The following DMD variants were observed in gnomAD, a reference collection of about 807,000 sequenced individuals.
The protein encoded by DMD is dystrophin.
Under a neutral mutation model 330.1 loss-of-function variants are expected in DMD, and 63 were observed. The ratio of observed to expected loss-of-function variants is 0.19; its 90% CI spans 0.16 to 0.24. DMD has a LOEUF of 0.24. DMD is among the 10% of genes least tolerant of loss of function. The pLI is 1.00. For missense variants in DMD, 3,344 were observed against 2,684.1 expected (o/e 1.25, Z -5.43); for synonymous variants, 1,223 against 959.8 (o/e 1.27, Z -5.07).
chrX:32,343,856 T>C (rs2097755623), intron 39 of DMD, among the ~76,000 whole-genome samples: 1 of 112,055 alleles, frequency 8.9e-6, no homozygotes, highest in Non-Finnish European at 1.9e-5. Context: ...AAGCTGTATG[T>C]GTAGAAGTGT....
chrX:31,535,632 A>T (rs2073332250), intron 55 of DMD, among the ~76,000 whole-genome samples: 1 of 111,149 alleles, frequency 9.0e-6, no homozygotes, highest in Admixed American at 9.6e-5. Flanking sequence ...GCCAAAATTG[A>T]CAAATGGTTT....
intron 2 of DMD, among the ~76,000 whole-genome samples, chrX:32,998,482 G>A (rs1273304678): frequency 9.2e-6 from 1 of 108,840 alleles, no homozygotes; most frequent in African/African-American, 3.3e-5. Context: ...TTTACCTGAT[G>A]AACAACTAAT....
intron 2 of DMD, among the ~76,000 whole-genome samples, chrX:32,990,647 T>C (rs1160916226): frequency 1.8e-5 from 2 of 111,839 alleles, no homozygotes; most frequent in African/African-American, 6.5e-5. Context: ...AAATGGTTCA[T>C]AACTACAACC....
chrX:32,113,470 T>C (rs181066327), intron 44 of DMD, among the ~76,000 whole-genome samples: 136 of 112,048 alleles, frequency 1.2e-3, no homozygotes, highest in Admixed American at 6.2e-3. Flanking sequence ...CACATCTTAG[T>C]TGCAATAAAA....
chrX:31,605,787 T>C (rs1453761863), intron 55 of DMD, among the ~76,000 whole-genome samples: 2 of 112,038 alleles, frequency 1.8e-5, no homozygotes, highest in Non-Finnish European at 3.8e-5. Flanking sequence ...ACCACCATAA[T>C]TGAGAAAGAA....
chrX:31,428,482 C>G (rs2063834506), intron 60 of DMD, among the ~76,000 whole-genome samples: 1 of 111,982 alleles, frequency 8.9e-6, no homozygotes, highest in Non-Finnish European at 1.9e-5. Flanking sequence ...ATTACCCAGC[C>G]TCAGGTATTC....
At chrX:32,742,965 C>A (rs2069495831) in intron 7 of DMD, among the ~76,000 whole-genome samples, 1 of 111,482 alleles carries the variant, frequency 9.0e-6, no homozygotes, top group South Asian at 3.8e-4. Flanking sequence ...TAGTAAATGG[C>A]AAAATGGAGA....
At chrX:32,984,154 TAA>T (rs1341866341) in intron 2 of DMD, among the ~76,000 whole-genome samples, 1 of 112,306 alleles carries the variant, frequency 8.9e-6, no homozygotes, top group Admixed American at 9.5e-5. Flanking sequence ...AATGTGTTTA[TAA>T]GAGAGGTGAG....
At chrX:31,249,923 T>G (rs2049179506) in intron 63 of DMD, among the ~76,000 whole-genome samples, 1 of 111,674 alleles carries the variant, frequency 9.0e-6, no homozygotes, top group Non-Finnish European at 1.9e-5. Context: ...GTCATTCTAA[T>G]CCTCACAACA....
At chrX:32,029,348 A>G (rs1037972227) in intron 44 of DMD, among the ~76,000 whole-genome samples, 3 of 111,839 alleles carry the variant, frequency 2.7e-5, no homozygotes, top group African/African-American at 9.7e-5. Flanking sequence ...GTAGAGGTCA[A>G]ACTTCACAAA....
intron 2 of DMD, among the ~76,000 whole-genome samples, chrX:33,017,145 C>G (rs973484565): frequency 2.7e-5 from 3 of 110,881 alleles, no homozygotes; most frequent in South Asian, 3.8e-4. Context: ...TAAAATGGTA[C>G]CAGGAAAGTG....
At chrX:32,671,473 CTATTAT>C (rs756123930) in intron 9 of DMD, among the ~76,000 whole-genome samples, 22 of 111,408 alleles carry the variant, frequency 2.0e-4, no homozygotes, top group African/African-American at 6.2e-4. Flanking sequence ...AATCAGGATA[CTATTAT>C]TATTAACAAA....
intron 47 of DMD, among the ~76,000 whole-genome samples, chrX:31,912,447 G>T (rs949964888): frequency 9.0e-6 from 1 of 111,512 alleles, no homozygotes; most frequent in Non-Finnish European, 1.9e-5. Flanking sequence ...CAGGGAAAAT[G>T]CTTCCACAAC....
At chrX:32,377,227 GC>G (rs939489332) in intron 34 of DMD, among the ~76,000 whole-genome samples, 5 of 111,415 alleles carry the variant, frequency 4.5e-5, no homozygotes, top group African/African-American at 1.6e-4. Context: ...GATACTTCAT[GC>G]CCCCTATAAA....
chrX:31,159,051 C>G (rs1209986247), intron 74 of DMD, among the ~76,000 whole-genome samples: 1 of 111,599 alleles, frequency 9.0e-6, no homozygotes, highest in African/African-American at 3.3e-5. Context: ...TGAAAATCAA[C>G]CCCAAAAACC....
chrX:31,926,467 G>A (rs2149970021), intron 47 of DMD, among the ~76,000 whole-genome samples: 1 of 110,999 alleles, frequency 9.0e-6, no homozygotes, highest in African/African-American at 3.3e-5. Context: ...ATGAGGTCAG[G>A]AGTTCGAGAC....
chrX:32,248,596 C>CAAA (rs60426992), intron 43 of DMD, among the ~76,000 whole-genome samples: 1 of 98,978 alleles, frequency 1.0e-5, no homozygotes, highest in African/African-American at 3.6e-5. Context: ...GGCACTATTC[C>CAAA]AAAAAAAAAA....
chrX:31,188,071 T>A (rs984695083), intron 67 of DMD, among the ~76,000 whole-genome samples: 1 of 112,173 alleles, frequency 8.9e-6, no homozygotes, highest in Non-Finnish European at 1.9e-5. Context: ...GGTTGAACAT[T>A]CTCAAATTTC....
At chrX:31,914,394 G>A (rs1395074242) in intron 47 of DMD, among the ~76,000 whole-genome samples, 1 of 112,236 alleles carries the variant, frequency 8.9e-6, no homozygotes, top group Non-Finnish European at 1.9e-5. Flanking sequence ...TATACCCAAA[G>A]AAAGGAAATC....
Sources: allele counts gnomAD v4.1 joint callset (sites outside exome capture counted in the v4.1 genomes callset), GRCh38; gene constraint gnomAD v4.1.1; transcripts MANE v1.5; gene names NCBI Gene and HGNC (gene_info 2026-07-23, HGNC 2026-07-21).